TEX2: variants seen among roughly 807,000 people sequenced by gnomAD.
TEX2 encodes the protein testis expressed 2.
A neutral mutation model predicts 106.9 loss-of-function variants in TEX2; 53 were observed. The observed-to-expected ratio is 0.50, with a 90% CI of 0.40 to 0.62. The LOEUF (loss-of-function observed/expected upper bound fraction) is 0.62. Among genes scored for constraint, TEX2 ranks in the 20% least tolerant of loss-of-function variants. The pLI is 0.00. For missense variants in TEX2, 1,207 were observed against 1,379.0 expected (o/e 0.88, Z 1.98); for synonymous variants, 523 against 534.8 (o/e 0.98, Z 0.30).
chr17:64,235,498 G>A (rs568561993), intron 1 of TEX2, among the ~76,000 whole-genome samples: 58 of 152,222 alleles, frequency 3.8e-4, no homozygotes, highest in Non-Finnish European at 8.1e-4. Context: ...GACCTTGAGT[G>A]TAATGACAAC....
intron 1 of TEX2, among the ~76,000 whole-genome samples, chr17:64,216,165 T>C (rs1405168071): frequency 3.3e-5 from 5 of 152,234 alleles, no homozygotes; most frequent in African/African-American, 1.2e-4. Context: ...ATCCAGGAAC[T>C]GGCAGCAGCC....
chr17:64,222,518 C>CAAAAA (rs11296538), intron 1 of TEX2, among the ~76,000 whole-genome samples: 1 of 99,150 alleles, frequency 1.0e-5, no homozygotes. Flanking sequence ...TTCCAACTCA[C>CAAAAA]AAAAAAAAAA....
At chr17:64,193,464 C>CTTCCTTCG in intron 4 of TEX2, 95 bp downstream of exon 4, 3 of 505,500 alleles carry the variant, frequency 5.9e-6, no homozygotes, top group Non-Finnish European at 8.5e-6. Flanking sequence ...TCAGGGTGGG[C>CTTCCTTCG]TTCCTTCCTT....
Position 64,195,165 on chromosome 17 carries a change from C to G in TEX2, c.1645-70G>C. Reference sequence around the variant, plus strand: ...ATCTGATTTAGTGTGAAATGATGAACACTGTGGTATTTGGGACACTGAAAC... The same window carrying G: ...ATCTGATTTAGTGTGAAATGATGAAGACTGTGGTATTTGGGACACTGAAAC... On this transcript the variant is annotated intron_variant, in intron 2 of 11. Coordinates refer to ENST00000584379, the MANE Select transcript of TEX2 (RefSeq NM_001288732.2). This position sits in a 1 kb window ranked among gnomAD's most constrained non-coding sequence, Gnocchi z 4.1. 1 of 1,457,926 alleles carries G rather than the reference C, an allele frequency of 6.9e-7. No homozygotes were observed. Among genetic ancestry groups the G allele is most frequent in the Non-Finnish European group, 9.5e-7 (1 of 1,050,198 alleles). 90.3% of individuals were successfully genotyped at this position (1,457,926 alleles called of 1,614,324 possible).
At chr17:64,227,024 G>A (rs971027847) in intron 1 of TEX2, among the ~76,000 whole-genome samples, 22 of 151,986 alleles carry the variant, frequency 1.4e-4, no homozygotes, top group Non-Finnish European at 2.6e-4. Flanking sequence ...TCAAGAGATC[G>A]AGACCATCTG....
intron 5 of TEX2, among the ~76,000 whole-genome samples, chr17:64,183,226 G>A (rs1373325048): frequency 6.6e-6 from 1 of 152,154 alleles, no homozygotes; most frequent in East Asian, 1.9e-4. Flanking sequence ...TTTGGCTATT[G>A]TGAATAATGC....
In TEX2 at chr17:64,213,643, A is replaced by C. The variant is rs782771727; in HGVS notation, c.575T>G (p.Val192Gly). The change falls in exon 2 of 12, where the codon GTG becomes GGG. Residue 192 changes from valine to glycine, a missense_variant. By Grantham distance (109) the Val-to-Gly change is moderately radical (BLOSUM62 -3). This residue lies in a region of TEX2 where 1,067 missense variants were observed against 1,193.6 expected (regional missense o/e 0.89). Transcript: ENST00000584379. This position sits in a 1 kb window ranked among gnomAD's most constrained non-coding sequence, Gnocchi z 4.4. ...CTCCACCTCGGTCGACAGGGACTTC[A>C]CAAGGCTCATGAAGGGTTTTGCACT... ...LSSAKPFMSL[V>G]KSLSTEVEPK... The C allele has an allele frequency of 6.2e-7, 1 of 1,614,174 alleles. No individual in the cohort carries two copies. The highest frequency in any genetic ancestry group is 1.7e-5 in the Admixed American group (1 of 60,024).
intron 1 of TEX2, among the ~76,000 whole-genome samples, chr17:64,234,258 T>C (rs1432292591): frequency 2.0e-5 from 3 of 152,236 alleles, no homozygotes; most frequent in Non-Finnish European, 2.9e-5. Flanking sequence ...CTGATGGCTG[T>C]ATTGGGGCTC....
rs112700394 is a variant in TEX2, at chr17:64,226,222, T to C, written c.-25-11980A>G. 4.2e-3 allele frequency among the ~76,000 whole-genome samples: 638 copies of C among 152,264 alleles called. 5 individuals carry two copies. The highest frequency in any genetic ancestry group is 0.015 in the African/African-American group (619 of 41,568). ...AGAGCTGCTCCCCTCCCGTCCCTAT[T>C]GGTTCTACCAGTTGGGATTATCAAG... On this transcript the variant is annotated intron_variant, in intron 1 of 11. Transcript: ENST00000584379.
At chr17:64,155,632 C>T (rs4968610) in intron 8 of TEX2, 79,936 of 151,986 alleles carry the variant, frequency 0.53, 22,851 homozygotes, top group East Asian at 0.82. Flanking sequence ...ACATGAGAAC[C>T]CAGGAAATTT....
At chr17:64,215,593 C>T (rs940745) in intron 1 of TEX2, among the ~76,000 whole-genome samples, 82,431 of 151,946 alleles carry the variant, frequency 0.54, 24,110 homozygotes, top group East Asian at 0.83. Context: ...TGTCTTTCTA[C>T]AGCTGACTCT....
intron 1 of TEX2, among the ~76,000 whole-genome samples, chr17:64,251,271 C>T (rs1367871991): frequency 6.6e-6 from 1 of 152,154 alleles, no homozygotes; most frequent in Non-Finnish European, 1.5e-5. Context: ...GGTTTCCACT[C>T]GAGAGTTCCG....
chr17:64,177,339 G>C lies in TEX2; in HGVS notation c.2557C>G (p.Leu853Val). Residue 853 changes from leucine (L) to valine (V), a missense_variant, in exon 6 of 12, where the codon CTC (leucine) becomes GTC (valine). Leu to Val is a conservative substitution (Grantham distance 32, BLOSUM62 1). This residue lies in a region of TEX2 where 1,067 missense variants were observed against 1,193.6 expected (regional missense o/e 0.89). Coordinates refer to ENST00000584379, the MANE Select transcript of TEX2 (RefSeq NM_001288732.2). ...GAAAGTGATACCTTTATTTTGCTGAGTTTCATTTGGATCTTCTTAGACACC... is the reference window on the plus strand; with the variant it reads ...GAAAGTGATACCTTTATTTTGCTGACTTTCATTTGGATCTTCTTAGACACC... ...DLVSKKIQMK[L>V]SKIKLPYFMN... 6 of 1,614,080 alleles carry C rather than the reference G, an allele frequency of 3.7e-6. No individual in the cohort carries two copies. The highest frequency in any genetic ancestry group is 5.1e-6 in the Non-Finnish European group (6 of 1,180,008).
intron 2 of TEX2, among the ~76,000 whole-genome samples, chr17:64,200,119 T>C (rs1245561017): frequency 6.6e-6 from 1 of 152,226 alleles, no homozygotes; most frequent in African/African-American, 2.4e-5. Flanking sequence ...GTATTCTATG[T>C]AGGAGGCTTT....
chr17:64,195,831 T>C lies in TEX2; in HGVS notation c.1645-736A>G, dbSNP rs987596426. On this transcript the variant is annotated intron_variant, in intron 2 of 11. Transcript: ENST00000584379. The surrounding 1 kb of genome is among the most constrained non-coding windows in gnomAD (Gnocchi z 4.1). ...ACATACACAAAAGCCTAATACACTA[T>C]ACACTGTGTTAAAGCTAATCTCATA... Among the ~76,000 whole-genome samples, 1 of 152,222 alleles carries C rather than the reference T, an allele frequency of 6.6e-6. No homozygotes were observed. Among genetic ancestry groups the C allele is most frequent in the Non-Finnish European group, 1.5e-5 (1 of 68,038 alleles).
chr17:64,195,154 G>GA lies in TEX2; in HGVS notation c.1645-60dup. The GA allele has an allele frequency of 6.7e-7, 1 of 1,495,784 alleles. No individual in the cohort carries two copies. Among genetic ancestry groups the GA allele is most frequent in the Non-Finnish European group, 9.3e-7 (1 of 1,079,402 alleles). The allele number at this position is 1,495,784 out of a possible 1,614,324, so 92.7% of individuals were successfully genotyped here. On this transcript the variant is annotated intron_variant, in intron 2 of 11. Transcript: ENST00000584379. The surrounding 1 kb of genome is among the most constrained non-coding windows in gnomAD (Gnocchi z 4.1). ...AATAATCGCAAATCTGATTTAGTGT[G>GA]AAATGATGAACACTGTGGTATTTGG...
chr17:64,193,464 C>CGTTGG, intron 4 of TEX2, 95 bp downstream of exon 4: 1 of 505,496 alleles, frequency 2.0e-6, no homozygotes, highest in Non-Finnish European at 2.8e-6. Context: ...TCAGGGTGGG[C>CGTTGG]TTCCTTCCTT....
intron 1 of TEX2, among the ~76,000 whole-genome samples, chr17:64,260,101 A>C (rs2034263148): frequency 6.6e-6 from 1 of 152,246 alleles, no homozygotes; most frequent in Admixed American, 6.5e-5. Context: ...CATGGCAGTA[A>C]AAGATTTCCC....
At chr17:64,228,442 C>A (rs1458950384) in intron 1 of TEX2, among the ~76,000 whole-genome samples, 10 of 152,174 alleles carry the variant, frequency 6.6e-5, no homozygotes, top group African/African-American at 1.9e-4. Flanking sequence ...ACTAGACAGT[C>A]CTATCTGGGG....
Sources: gnomAD v4.1 joint callset for allele counts (sites outside exome capture counted in the v4.1 genomes callset) on GRCh38, gnomAD v4.1.1 for gene constraint, gnomAD v4.1.1 regional missense constraint, Gnocchi (gnomAD v3.1) non-coding constraint, MANE v1.5 for transcripts, NCBI Gene and HGNC (gene_info 2026-07-23, HGNC 2026-07-21) for gene names.